The following ZMIZ1 variants were observed in gnomAD, a reference collection of about 807,000 sequenced individuals.
The protein encoded by ZMIZ1 is zinc finger MIZ domain-containing protein 1.
Under a neutral mutation model 113.9 loss-of-function variants are expected in ZMIZ1, and 17 were observed. The observed-to-expected ratio is 0.15, with a 90% CI of 0.10 to 0.22. ZMIZ1 has a LOEUF of 0.22. ZMIZ1 is among the 10% of genes least tolerant of loss of function. ZMIZ1 has a pLI of 1.00. For missense variants in ZMIZ1, 1,059 were observed against 1,477.8 expected, an observed-to-expected ratio of 0.72 and a Z score of 4.65; for synonymous variants, 607 against 603.1, an observed-to-expected ratio of 1.01 and a Z score of -0.09.
chr10:79,109,328 T>A (rs2132288285), intron 1 of ZMIZ1, among the ~76,000 whole-genome samples: 1 of 152,346 alleles, frequency 6.6e-6, no homozygotes, highest in East Asian at 1.9e-4. Context: ...TTTTTCATTA[T>A]GGGTGTTGTC....
rs553198741 is a variant in ZMIZ1 at position 79,208,129 on chromosome 10, G to A, written c.61-207G>A. 1.9e-3 allele frequency among the ~76,000 whole-genome samples: 251 copies of A among 135,648 alleles called. 2 individuals carry two copies. The highest frequency in any genetic ancestry group is 6.8e-3 in the African/African-American group (236 of 34,868). 89.0% of individuals were successfully genotyped at this position (135,648 alleles called of 152,430 possible). ...TGGATCGGGGAGGTGGGGTGGAGGT[G>A]GGGGTGGGGGGGGGTGGGAGCAGGC... On this transcript the variant is annotated intron_variant, in intron 5 of 24. Transcript: ENST00000334512.
At chr10:79,112,489 C>T (rs926692937) in intron 1 of ZMIZ1, among the ~76,000 whole-genome samples, 5 of 152,138 alleles carry the variant, frequency 3.3e-5, no homozygotes, top group African/African-American at 1.2e-4. Flanking sequence ...ACCCCATGTT[C>T]CTGGCAGGCT....
intron 4 of ZMIZ1, among the ~76,000 whole-genome samples, chr10:79,192,254 G>A (rs1322343290): frequency 2.0e-5 from 3 of 152,220 alleles, no homozygotes; most frequent in Admixed American, 6.5e-5. Flanking sequence ...CAGTGGGCTG[G>A]CCCCTTTGTC....
intron 7 of ZMIZ1, among the ~76,000 whole-genome samples, chr10:79,218,603 G>GTGTC (rs1004355651): frequency 9.8e-4 from 149 of 151,846 alleles, no homozygotes; most frequent in Middle Eastern, 6.8e-3. Flanking sequence ...GTGTGTGTGT[G>GTGTC]TGTCTGTCTG....
chr10:79,091,494 C>T (rs1842981845), intron 1 of ZMIZ1, among the ~76,000 whole-genome samples: 1 of 152,186 alleles, frequency 6.6e-6, no homozygotes, highest in Non-Finnish European at 1.5e-5. Flanking sequence ...AGCAGAATAG[C>T]TGCAAGGAGT....
intron 6 of ZMIZ1, 33 bp downstream of exon 6, chr10:79,208,482 C>T (rs1370418569): frequency 2.5e-6 from 4 of 1,580,500 alleles, no homozygotes; most frequent in South Asian, 1.1e-5. Context: ...TGCATTCCTG[C>T]CCAGGAAGGT....
chr10:79,215,940 C>T (rs1848709746), intron 6 of ZMIZ1, among the ~76,000 whole-genome samples: 1 of 152,156 alleles, frequency 6.6e-6, no homozygotes, highest in South Asian at 2.1e-4. Context: ...GACCCATCGT[C>T]AGCCTGGGAA....
chr10:79,242,729 G>A (rs983220770), intron 7 of ZMIZ1, among the ~76,000 whole-genome samples: 3 of 152,066 alleles, frequency 2.0e-5, no homozygotes, highest in Non-Finnish European at 4.4e-5. Flanking sequence ...ACAGCGCTCC[G>A]GGAGCCCCAC....
At chr10:79,261,469 T>C (rs1238299797) in intron 7 of ZMIZ1, among the ~76,000 whole-genome samples, 1 of 152,082 alleles carries the variant, frequency 6.6e-6, no homozygotes, top group Non-Finnish European at 1.5e-5. Context: ...GACGGCTCCC[T>C]CCCCCAGCTG....
At chr10:79,095,713 C>A (rs1441205802) in intron 1 of ZMIZ1, among the ~76,000 whole-genome samples, 2 of 152,190 alleles carry the variant, frequency 1.3e-5, no homozygotes, top group East Asian at 1.9e-4. Flanking sequence ...TCGTGCAGAC[C>A]CCCGCACCCC....
intron 6 of ZMIZ1, among the ~76,000 whole-genome samples, chr10:79,214,194 G>A (rs1181523201): frequency 6.6e-6 from 1 of 152,184 alleles, no homozygotes; most frequent in Non-Finnish European, 1.5e-5. Context: ...GTTTTTCTAT[G>A]TGGACAGTGA....
At chr10:79,183,675 A>G (rs914073002) in intron 4 of ZMIZ1, among the ~76,000 whole-genome samples, 1 of 152,196 alleles carries the variant, frequency 6.6e-6, no homozygotes, top group African/African-American at 2.4e-5. Context: ...GTTGCTTTCA[A>G]TGCTGTGTCT....
At chr10:79,174,871 C>G (rs533737139) in intron 4 of ZMIZ1, among the ~76,000 whole-genome samples, 1 of 152,206 alleles carries the variant, frequency 6.6e-6, no homozygotes, top group Non-Finnish European at 1.5e-5. Flanking sequence ...GGGCTTTGCC[C>G]GAAGAAGCCC....
chr10:79,279,155 C>T (rs879510587), intron 8 of ZMIZ1, among the ~76,000 whole-genome samples: 5 of 150,670 alleles, frequency 3.3e-5, no homozygotes, highest in East Asian at 2.0e-4. Flanking sequence ...GGGCTGCCCC[C>T]GACCTCCCGG....
chr10:79,230,131 T>C (rs928481180), intron 7 of ZMIZ1, among the ~76,000 whole-genome samples: 1 of 152,148 alleles, frequency 6.6e-6, no homozygotes, highest in Non-Finnish European at 1.5e-5. Flanking sequence ...GTTCTCTGCC[T>C]CTGTCCTTTT....
At chr10:79,116,623 G>A (rs978330438) in intron 1 of ZMIZ1, among the ~76,000 whole-genome samples, 1 of 152,148 alleles carries the variant, frequency 6.6e-6, no homozygotes, top group African/African-American at 2.4e-5. Flanking sequence ...GGCCAGGGCG[G>A]GGCTGACCTG....
At chr10:79,268,079 G>A (rs550589928) in intron 7 of ZMIZ1, among the ~76,000 whole-genome samples, 2 of 152,348 alleles carry the variant, frequency 1.3e-5, no homozygotes, top group African/African-American at 4.8e-5. Flanking sequence ...GGGGAGCACG[G>A]CCTGGGCCCA....
intron 2 of ZMIZ1, among the ~76,000 whole-genome samples, chr10:79,137,298 C>T (rs909783805): frequency 4.6e-5 from 7 of 152,214 alleles, no homozygotes; most frequent in African/African-American, 1.7e-4. Flanking sequence ...GAGCTGTAGT[C>T]TACACTTCAC....
chr10:79,119,664 G>C (rs1009187093), intron 2 of ZMIZ1, among the ~76,000 whole-genome samples: 1 of 152,190 alleles, frequency 6.6e-6, no homozygotes, highest in Non-Finnish European at 1.5e-5. Flanking sequence ...GGTGTCTTCA[G>C]AAGTGCCAGA....
Sources: allele counts gnomAD v4.1 joint callset (sites outside exome capture counted in the v4.1 genomes callset), GRCh38; gene constraint gnomAD v4.1.1; transcripts MANE v1.5; gene names NCBI Gene and HGNC (gene_info 2026-07-23, HGNC 2026-07-21).